TMEM161B: variants seen among roughly 807,000 people sequenced by gnomAD.
TMEM161B encodes the protein transmembrane protein 161B.
A neutral mutation model predicts 61.8 loss-of-function variants in TMEM161B; 34 were observed. The observed-to-expected ratio is 0.55, with a 90% CI of 0.42 to 0.73. The LOEUF (loss-of-function observed/expected upper bound fraction) is 0.73. Ranked by LOEUF, TMEM161B falls within the 30% of genes least tolerant of loss-of-function variation. TMEM161B has a pLI of 0.00. For missense variants in TMEM161B, 456 were observed against 558.5 expected (o/e 0.82, Z 1.85); for synonymous variants, 167 against 192.8 (o/e 0.87, Z 1.11).
intron 1 of TMEM161B, among the ~76,000 whole-genome samples, chr5:88,246,113 T>G (rs896570026): frequency 6.6e-6 from 1 of 151,862 alleles, no homozygotes; most frequent in Non-Finnish European, 1.5e-5. Flanking sequence ...GTAACCTCAC[T>G]CTATCTCTTT....
intron 4 of TMEM161B, among the ~76,000 whole-genome samples, chr5:88,223,703 C>T (rs1199095002): frequency 5.9e-5 from 9 of 151,928 alleles, no homozygotes; most frequent in Non-Finnish European, 8.8e-5. Context: ...CTGGCTAACA[C>T]GGTGAAACCC....
intron 2 of TMEM161B, among the ~76,000 whole-genome samples, chr5:88,233,908 G>A (rs570782802): frequency 1.1e-4 from 17 of 151,826 alleles, no homozygotes; most frequent in African/African-American, 4.1e-4. Context: ...AAATCCATAG[G>A]GATTAATAAA....
intron 2 of TMEM161B, among the ~76,000 whole-genome samples, chr5:88,229,446 C>T (rs1043505623): frequency 2.0e-5 from 3 of 151,258 alleles, no homozygotes; most frequent in African/African-American, 7.3e-5. Context: ...TTCCTGTGGA[C>T]ACATTACTCA....
At chr5:88,191,112 T>C (rs1035142731), downstream of TMEM161B, among the ~76,000 whole-genome samples, 2 of 152,262 alleles carry the variant, frequency 1.3e-5, no homozygotes, top group African/African-American at 2.4e-5. Context: ...TCTTCATCTA[T>C]GATTATTGCC....
chr5:88,205,369 C>A (rs189270020), intron 8 of TMEM161B, among the ~76,000 whole-genome samples: 1 of 151,956 alleles, frequency 6.6e-6, no homozygotes, highest in Non-Finnish European at 1.5e-5. Flanking sequence ...AAACAAACAC[C>A]TCTTACATAC....
rs187899942 is a variant in TMEM161B, at chr5:88,221,011, T to C, written c.290-292A>G. 2.1e-3 allele frequency among the ~76,000 whole-genome samples: 313 copies of C among 152,312 alleles called. 1 individual carries two copies. Among genetic ancestry groups the C allele is most frequent in the African/African-American group, 7.3e-3 (304 of 41,566 alleles). On this transcript the variant is annotated intron_variant, in intron 4 of 11. Coordinates refer to ENST00000296595, the MANE Select transcript of TMEM161B (RefSeq NM_153354.5). ...TATGATTGCAAATTTACTGGTATTG[T>C]CTTAACTGATTAGCTACTTTTTACA...
downstream of TMEM161B, among the ~76,000 whole-genome samples, chr5:88,192,008 A>ATG (rs1748978879): frequency 3.2e-5 from 3 of 92,616 alleles, no homozygotes; most frequent in African/African-American, 1.5e-4. Flanking sequence ...ATATATATAT[A>ATG]TATATATATA....
downstream of TMEM161B, among the ~76,000 whole-genome samples, chr5:88,186,057 T>C (rs1448157740): frequency 6.6e-6 from 1 of 152,194 alleles, no homozygotes; most frequent in South Asian, 2.1e-4. Context: ...TCGACACCTA[T>C]AAAGAGTCAA....
intron 4 of TMEM161B, among the ~76,000 whole-genome samples, chr5:88,223,240 G>GAA (rs890504204): frequency 1.5e-5 from 2 of 131,516 alleles, no homozygotes; most frequent in African/African-American, 2.8e-5. Flanking sequence ...AATGAGTTAA[G>GAA]AAAAAAAAAA....
At chr5:88,252,647 C>CCTA (rs1314730600) in intron 1 of TMEM161B, among the ~76,000 whole-genome samples, 1 of 152,100 alleles carries the variant, frequency 6.6e-6, no homozygotes, top group Non-Finnish European at 1.5e-5. Context: ...AATACTAGAA[C>CCTA]CACTGACGGG....
intron 1 of TMEM161B, among the ~76,000 whole-genome samples, chr5:88,263,657 T>C (rs1443830901): frequency 1.3e-5 from 2 of 152,220 alleles, no homozygotes; most frequent in African/African-American, 4.8e-5. Context: ...CAGAAAATAA[T>C]AACTTCTCTC....
At chr5:88,199,456 A>G in intron 9 of TMEM161B, 1 of 194,238 alleles carries the variant, frequency 5.1e-6, no homozygotes, top group Non-Finnish European at 1.0e-5. Flanking sequence ...GTGACATGAA[A>G]AGACAAGTTG....
At chr5:88,220,312 TA>T (rs1748672338) in intron 5 of TMEM161B, among the ~76,000 whole-genome samples, 1 of 152,036 alleles carries the variant, frequency 6.6e-6, no homozygotes, top group South Asian at 2.1e-4. Flanking sequence ...AAGAAATGCC[TA>T]AAAGAGGTGA....
Position 88,205,920 on chromosome 5 carries a change from G to T in TMEM161B, c.694C>A (p.Leu232Met), listed in dbSNP as rs1317350412. 1 of 1,610,654 alleles carries T rather than the reference G, an allele frequency of 6.2e-7. No homozygotes were observed. Among genetic ancestry groups the T allele is most frequent in the Non-Finnish European group, 8.5e-7 (1 of 1,178,488 alleles). Residue 232 changes from leucine to methionine, a missense_variant, in exon 8 of 12, where the codon CTG (leucine) becomes ATG (methionine). This residue lies in a region of TMEM161B where 367 missense variants were observed against 427.3 expected (regional missense o/e 0.86). Transcript: ENST00000296595. ...PVSKLTFKFF[L>M]AIFCSFIGAF... ...CCAATGAATGAACAGAAAATAGCCA[G>T]GAAAAATTTGAAAGTAAGTTTTGAA...
intron 9 of TMEM161B, chr5:88,199,352 G>C (rs946479482): frequency 2.3e-6 from 1 of 430,132 alleles, no homozygotes; most frequent in Non-Finnish European, 4.0e-6. Flanking sequence ...TATCATGAAA[G>C]CGTAAGAAGT....
intron 4 of TMEM161B, 32 bp from the exon 5 acceptor site, chr5:88,220,751 A>AAAAT: frequency 2.1e-6 from 3 of 1,407,726 alleles, no homozygotes; most frequent in African/African-American, 1.5e-5. Context: ...AAAAAAAAAA[A>AAAAT]GGTCAAAAAA....
chr5:88,187,139 C>T (rs1411348064), downstream of TMEM161B, among the ~76,000 whole-genome samples: 1 of 152,168 alleles, frequency 6.6e-6, no homozygotes, highest in Non-Finnish European at 1.5e-5. Flanking sequence ...CATTGTATTG[C>T]TTTGACACCT....
chr5:88,214,903 C>G (rs1340218878), intron 5 of TMEM161B, among the ~76,000 whole-genome samples: 1 of 152,172 alleles, frequency 6.6e-6, no homozygotes, highest in Admixed American at 6.5e-5. Flanking sequence ...GAGCTGATGA[C>G]AAGAGAAGAC....
downstream of TMEM161B, among the ~76,000 whole-genome samples, chr5:88,192,979 C>A (rs1402476059): frequency 1.3e-5 from 2 of 152,060 alleles, no homozygotes; most frequent in African/African-American, 2.4e-5. Context: ...TCTTCTGAAT[C>A]ATAACTGAGG....
Sources: gnomAD v4.1 joint callset for allele counts (sites outside exome capture counted in the v4.1 genomes callset) on GRCh38, gnomAD v4.1.1 for gene constraint, gnomAD v4.1.1 regional missense constraint, MANE v1.5 for transcripts, NCBI Gene and HGNC (gene_info 2026-07-23, HGNC 2026-07-21) for gene names.